Variants in CPSF2 observed in about 807,000 individuals in gnomAD.
CPSF2 encodes the protein cleavage and polyadenylation specific factor 2, also known as cleavage and polyadenylation specificity factor subunit 2.
Under a neutral mutation model 84.2 loss-of-function variants are expected in CPSF2, and 51 were observed. The ratio of observed to expected loss-of-function variants is 0.61; its 90% CI spans 0.48 to 0.77. CPSF2 has a LOEUF of 0.77. Ranked by LOEUF, CPSF2 falls within the 30% of genes least tolerant of loss-of-function variation. CPSF2 has a pLI of 0.00. For synonymous variants in CPSF2, 286 were observed against 311.9 expected (o/e 0.92, Z 0.87); for missense variants, 641 against 929.4 (o/e 0.69, Z 4.03).
intron 9 of CPSF2, among the ~76,000 whole-genome samples, chr14:92,146,083 A>AT (rs2069140554): frequency 6.6e-6 from 1 of 152,238 alleles, no homozygotes; most frequent in Admixed American, 6.5e-5. Flanking sequence ...CGTAATATGT[A>AT]CCAAAACCTA....
rs1263184833 is a variant in CPSF2, at chr14:92,156,694, T to C, written c.1595+63T>C. 8 of 1,248,128 alleles carry C rather than the reference T, an allele frequency of 6.4e-6. No individual in the cohort carries two copies. The East Asian group carries it at 9.8e-5, about 15-fold the overall frequency. 77.3% of individuals were successfully genotyped at this position (1,248,128 alleles called of 1,614,324 possible). The stretch of plus-strand genomic sequence containing the variant: ...GATAAAATTTCAAGCATTTGAATTA[T>C]ATAATTTACATTATGTCAAGCAAAA... On this transcript the variant is annotated intron_variant, in intron 12 of 15. Transcript: ENST00000298875.
chr14:92,134,248 AG>A lies in CPSF2; in HGVS notation c.310-1del, dbSNP rs1339111690. 2.5e-6 allele frequency: 4 copies of A among 1,612,356 alleles called. No individual in the cohort carries two copies. The highest frequency in any genetic ancestry group is 3.4e-6 in the Non-Finnish European group (4 of 1,178,612). ...TCACCTTTATTTGTGTTATTCTTTT[AG>A]TCTCGACACAATACAGAAGATTTTA... On this transcript the variant is annotated splice_acceptor_variant, in intron 4 of 15. Transcript: ENST00000298875. LOFTEE classifies it high-confidence loss of function.
At chr14:92,150,254 A>T (rs2069196380) in intron 9 of CPSF2, among the ~76,000 whole-genome samples, 2 of 151,814 alleles carry the variant, frequency 1.3e-5, no homozygotes, top group Admixed American at 1.3e-4. Context: ...AGCTGGGACT[A>T]CAGGTGTGTG....
chr14:92,137,114 A>C (rs535712717), intron 6 of CPSF2, among the ~76,000 whole-genome samples: 1 of 152,156 alleles, frequency 6.6e-6, no homozygotes, highest in Non-Finnish European at 1.5e-5. Context: ...ATTAATAAAA[A>C]TATACCAGTT....
intron 11 of CPSF2, among the ~76,000 whole-genome samples, chr14:92,155,851 G>A (rs2069282610): frequency 6.6e-6 from 1 of 151,966 alleles, no homozygotes; most frequent in South Asian, 2.1e-4. Context: ...AGTTTTATGA[G>A]ATTAAGAGGA....
intron 3 of CPSF2, 123 bp from the exon 4 acceptor site, chr14:92,133,888 C>A: frequency 3.4e-6 from 3 of 877,492 alleles, no homozygotes; most frequent in Non-Finnish European, 5.4e-6. Context: ...ATAATTTTAG[C>A]TCTTAGTTTT....
At chr14:92,138,950 C>T (rs572660907) in intron 7 of CPSF2, among the ~76,000 whole-genome samples, 5 of 152,068 alleles carry the variant, frequency 3.3e-5, no homozygotes, top group African/African-American at 9.6e-5. Context: ...ATTATGTGAC[C>T]ATCAGTTTTT....
intron 9 of CPSF2, among the ~76,000 whole-genome samples, chr14:92,147,247 T>C (rs987557713): frequency 1.3e-5 from 2 of 152,206 alleles, no homozygotes; most frequent in Non-Finnish European, 2.9e-5. Context: ...AGATTTCTGA[T>C]TATGTTAGAT....
chr14:92,135,293 T>G, intron 5 of CPSF2, 74 bp from the exon 6 acceptor site: 1 of 1,338,198 alleles, frequency 7.5e-7, no homozygotes, highest in Non-Finnish European at 1.0e-6. Context: ...TATTAAAATA[T>G]TATAGTTGAG....
chr14:92,128,063 A>G (rs570006848), intron 2 of CPSF2, among the ~76,000 whole-genome samples: 4 of 152,270 alleles, frequency 2.6e-5, no homozygotes, highest in Non-Finnish European at 2.9e-5. Context: ...GCCTTTGGCC[A>G]TGAATTTAAA....
rs1408986981 is a variant in CPSF2, at chr14:92,155,137, C to G, written c.1256C>G (p.Ser419Cys). Residue 419 changes from serine to cysteine, a missense_variant, in exon 11 of 16, where the codon TCC (serine) becomes TGC (cysteine). Transcript: ENST00000298875. ...LEQSKEADID[S>C]SDESDIEEDI... is the part of the protein sequence containing the mutation. ...AATCCTCCTAGGGCAGATATAGATT[C>G]CAGTGATGAGAGTGATATTGAGGAA... The G allele has an allele frequency of 9.3e-6, 15 of 1,612,504 alleles. No individual in the cohort carries two copies. Among genetic ancestry groups the G allele is most frequent in the Non-Finnish European group, 1.3e-5 (15 of 1,178,756 alleles).
intron 2 of CPSF2, among the ~76,000 whole-genome samples, chr14:92,128,942 G>A (rs528749315): frequency 3.9e-5 from 6 of 152,118 alleles, no homozygotes; most frequent in Non-Finnish European, 7.4e-5. Flanking sequence ...GAGGAACAAC[G>A]GGTCATGTAA....
chr14:92,158,785 C>T (rs972852143), intron 13 of CPSF2, among the ~76,000 whole-genome samples, 198 bp from the exon 14 acceptor site: 1 of 152,106 alleles, frequency 6.6e-6, no homozygotes, highest in Non-Finnish European at 1.5e-5. Context: ...GGTTAAGAAT[C>T]TCTATTTTGG....
At chr14:92,125,289 G>A (rs2068831308) in intron 1 of CPSF2, among the ~76,000 whole-genome samples, 1 of 152,138 alleles carries the variant, frequency 6.6e-6, no homozygotes, top group African/African-American at 2.4e-5. Context: ...AGAATAATCA[G>A]GAACTGGTAA....
At chr14:92,148,595 A>G (rs2069172109) in intron 9 of CPSF2, among the ~76,000 whole-genome samples, 1 of 151,488 alleles carries the variant, frequency 6.6e-6, no homozygotes, top group African/African-American at 2.4e-5. Context: ...AAGCATATAT[A>G]TTCTGGGTTT....
At chr14:92,144,459 A>AT (rs2069119150) in intron 9 of CPSF2, among the ~76,000 whole-genome samples, 1 of 152,192 alleles carries the variant, frequency 6.6e-6, no homozygotes, top group African/African-American at 2.4e-5. Flanking sequence ...TATTATTCCC[A>AT]TGACAACAAC....
intron 6 of CPSF2, among the ~76,000 whole-genome samples, chr14:92,136,629 C>T (rs536727840): frequency 6.6e-4 from 101 of 152,308 alleles, no homozygotes; most frequent in African/African-American, 2.3e-3. Flanking sequence ...AAGCTGAAGG[C>T]AGCTCCCTTT....
At chr14:92,125,281 A>G (rs1450156191) in intron 1 of CPSF2, among the ~76,000 whole-genome samples, 1 of 152,156 alleles carries the variant, frequency 6.6e-6, no homozygotes, top group Non-Finnish European at 1.5e-5. Context: ...CTGAGGGAAG[A>G]ATAATCAGGA....
chr14:92,150,389 T>G (rs1445022077), intron 9 of CPSF2, among the ~76,000 whole-genome samples: 1 of 151,882 alleles, frequency 6.6e-6, no homozygotes, highest in Non-Finnish European at 1.5e-5. Flanking sequence ...CCCAAAGTGT[T>G]GGGATTACAG....
Sources: allele counts gnomAD v4.1 joint callset (sites outside exome capture counted in the v4.1 genomes callset), GRCh38; gene constraint gnomAD v4.1.1; transcripts MANE v1.5; gene names NCBI Gene and HGNC (gene_info 2026-07-23, HGNC 2026-07-21).